CENPQ: variants seen among roughly 807,000 people sequenced by gnomAD.
CENPQ encodes the protein chromosome 6 open reading frame 139.
A neutral mutation model predicts 36.6 loss-of-function variants in CENPQ; 27 were observed. The observed-to-expected ratio is 0.74, with a 90% CI of 0.54 to 1.02. CENPQ has a LOEUF of 1.02. Ranked by LOEUF, CENPQ falls within the 50% of genes least tolerant of loss-of-function variation. CENPQ has a pLI of 0.00. For synonymous variants in CENPQ, 101 were observed against 101.7 expected (o/e 0.99, Z 0.04); for missense variants, 306 against 301.8 (o/e 1.01, Z -0.10).
chr6:49,486,723 T>C (rs116616329), intron 6 of CENPQ, among the ~76,000 whole-genome samples: 5,066 of 152,256 alleles, frequency 0.033, 123 homozygotes, highest in South Asian at 0.064. Context: ...AGTAATGATA[T>C]TGTACTCTTA....
At position 49,488,683 on chromosome 6, in the gene CENPQ, A is replaced by C. The variant is rs757805814; in HGVS notation, c.674A>C (p.Gln225Pro). 6.2e-7 allele frequency: 1 copy of C among 1,609,764 alleles called. No homozygotes were observed. The highest frequency in any genetic ancestry group is 8.5e-7 in the Non-Finnish European group (1 of 1,176,210). The change falls in exon 8 of 9, where the codon CAG becomes CCG. Residue 225 changes from glutamine (Q) to proline (P), a missense_variant and splice_region_variant. By Grantham distance (76) the Gln-to-Pro change is moderately conservative (BLOSUM62 -1). Transcript: ENST00000335783. ...AAAACTCTCAAAGCACCCACACTTC[A>C]GGTAAGTGCCTATTTACCATATTGA... The part of the protein sequence containing the change: ...SQKTLKAPTL[Q>P]KEILALIPNQ...
At chr6:49,467,235 A>C (rs1187533423) in intron 1 of CENPQ, among the ~76,000 whole-genome samples, 2 of 152,236 alleles carry the variant, frequency 1.3e-5, no homozygotes, top group Admixed American at 6.5e-5. Flanking sequence ...ATTTCTAATC[A>C]GTCATAACTG....
intron 5 of CENPQ, among the ~76,000 whole-genome samples, chr6:49,477,852 A>ACAAGTATATTG (rs1768339072): frequency 6.6e-6 from 1 of 152,222 alleles, no homozygotes; most frequent in South Asian, 2.1e-4. Flanking sequence ...TATTAAAAAG[A>ACAAGTATATTG]TAATAAGCTA....
intron 1 of CENPQ, among the ~76,000 whole-genome samples, chr6:49,466,396 A>G (rs138636387): frequency 7.7e-4 from 117 of 152,350 alleles, no homozygotes; most frequent in African/African-American, 2.7e-3. Flanking sequence ...ACAAACCTTT[A>G]GTTTGTAAGA....
intron 2 of CENPQ, among the ~76,000 whole-genome samples, chr6:49,470,765 A>G (rs936353011): frequency 3.9e-5 from 6 of 151,990 alleles, no homozygotes; most frequent in Non-Finnish European, 8.8e-5. Flanking sequence ...AAATTCTGTT[A>G]TTATCATCAT....
intron 2 of CENPQ, 121 bp downstream of exon 2, chr6:49,470,399 C>T (rs1205434151): frequency 1.0e-5 from 5 of 500,414 alleles, no homozygotes; most frequent in South Asian, 5.8e-5. Context: ...GTCAGGAGAT[C>T]GAAACCATCC....
At chr6:49,481,142 T>A in intron 6 of CENPQ, 62 bp downstream of exon 6, 1 of 1,353,210 alleles carries the variant, frequency 7.4e-7, no homozygotes, top group Admixed American at 2.4e-5. Context: ...AAGACCAAAG[T>A]TTTTAAAATT....
At chr6:49,484,041 A>G (rs1215024663) in intron 6 of CENPQ, among the ~76,000 whole-genome samples, 2 of 152,360 alleles carry the variant, frequency 1.3e-5, no homozygotes, top group Admixed American at 6.5e-5. Context: ...TTAATTATCA[A>G]TTTAGAGGAG....
At chr6:49,477,834 G>A (rs983585019) in intron 5 of CENPQ, among the ~76,000 whole-genome samples, 4 of 152,138 alleles carry the variant, frequency 2.6e-5, no homozygotes, top group African/African-American at 9.7e-5. Flanking sequence ...ATTAAAGAAG[G>A]AAGAAGATAT....
At chr6:49,478,158 G>A (rs1173720180) in intron 5 of CENPQ, among the ~76,000 whole-genome samples, 1 of 152,104 alleles carries the variant, frequency 6.6e-6, no homozygotes. Context: ...ATACAACAAA[G>A]TACAACATTA....
chr6:49,473,372 ATTAC>A (rs1397345167), intron 5 of CENPQ, among the ~76,000 whole-genome samples: 1 of 152,180 alleles, frequency 6.6e-6, no homozygotes. Flanking sequence ...ATTTTCAATA[ATTAC>A]TTTTCTCTAG....
chr6:49,487,153 C>CAA (rs1447745290), intron 6 of CENPQ, among the ~76,000 whole-genome samples: 3 of 684 alleles, frequency 4.4e-3, no homozygotes, highest in African/African-American at 6.0e-3. Flanking sequence ...AACTCCATCT[C>CAA]AAAAAAAAAA....
Position 49,487,172 on chromosome 6 carries a change from A to T in CENPQ, c.478-1180A>T, listed in dbSNP as rs200148980. ...CCATCTCAAAAAAAAAAAAAAAATA[A>T]AAAAAATAAAAACAGAGTCTGTTCC... On this transcript the variant is annotated intron_variant, in intron 6 of 8. Coordinates refer to ENST00000335783, the MANE Select transcript of CENPQ (RefSeq NM_018132.4). 8.5e-4 allele frequency among the ~76,000 whole-genome samples: 50 copies of T among 58,636 alleles called. 14 individuals carry two copies. Among genetic ancestry groups the T allele is most frequent in the African/African-American group, 3.2e-3 (49 of 15,554 alleles). The allele number at this position is 58,636 out of a possible 152,430, so 38.5% of individuals were successfully genotyped here.
intron 2 of CENPQ, 79 bp downstream of exon 2, chr6:49,470,357 A>G (rs1460694322): frequency 3.6e-6 from 3 of 839,852 alleles, no homozygotes; most frequent in Non-Finnish European, 5.5e-6. Flanking sequence ...TAATCCCAGC[A>G]CTTTGGGAGG....
chr6:49,476,489 A>T (rs534489755), intron 5 of CENPQ, among the ~76,000 whole-genome samples: 79 of 152,348 alleles, frequency 5.2e-4, no homozygotes, highest in African/African-American at 1.9e-3. Context: ...AACATAGGCA[A>T]TACCATTCAG....
At chr6:49,469,866 C>T (rs1016230536) in intron 1 of CENPQ, among the ~76,000 whole-genome samples, 1 of 151,966 alleles carries the variant, frequency 6.6e-6, no homozygotes, top group Non-Finnish European at 1.5e-5. Context: ...ATAAGAGATA[C>T]AAAAGCATTT....
intron 8 of CENPQ, among the ~76,000 whole-genome samples, chr6:49,491,769 G>T (rs540461230): frequency 6.6e-6 from 1 of 152,202 alleles, no homozygotes; most frequent in Non-Finnish European, 1.5e-5. Flanking sequence ...TACAAAATTA[G>T]CCAGGTGTGG....
intron 1 of CENPQ, among the ~76,000 whole-genome samples, chr6:49,467,575 G>T (rs903752286): frequency 4.6e-5 from 7 of 152,166 alleles, no homozygotes; most frequent in Non-Finnish European, 1.0e-4. Flanking sequence ...AAGGTTCAAT[G>T]TGCATAAAAT....
At chr6:49,487,175 A>AAAAT (rs1768606841) in intron 6 of CENPQ, among the ~76,000 whole-genome samples, 1 of 145,022 alleles carries the variant, frequency 6.9e-6, no homozygotes, top group African/African-American at 2.8e-5. Context: ...AAAAATAAAA[A>AAAAT]AAATAAAAAC....
Sources: gnomAD v4.1 joint callset for allele counts (sites outside exome capture counted in the v4.1 genomes callset) on GRCh38, gnomAD v4.1.1 for gene constraint, MANE v1.5 for transcripts, NCBI Gene and HGNC (gene_info 2026-07-23, HGNC 2026-07-21) for gene names.